The following EYA1 variants were observed in gnomAD, a reference collection of about 807,000 sequenced individuals.
EYA1 encodes EYA transcriptional coactivator and phosphatase 1.
EYA1 carries 16 observed loss-of-function variants against 82.0 expected under a neutral mutation model. That is an observed-to-expected ratio of 0.20 (90% CI 0.13 to 0.30). The LOEUF (loss-of-function observed/expected upper bound fraction) is 0.30, where lower values mean the gene tolerates loss of function less well. Ranked by LOEUF, EYA1 falls within the 10% of genes least tolerant of loss-of-function variation. The pLI is 1.00. For missense variants in EYA1, 633 were observed against 730.7 expected (o/e 0.87, Z 1.54); for synonymous variants, 261 against 264.4 (o/e 0.99, Z 0.12).
chr8:71,388,196 T>G (rs952983903), intron 2 of EYA1, among the ~76,000 whole-genome samples: 5 of 152,186 alleles, frequency 3.3e-5, no homozygotes, highest in Middle Eastern at 3.2e-3. Flanking sequence ...CTGATTAACT[T>G]TCACTTCATC....
chr8:71,355,889 T>G (rs981272344), intron 2 of EYA1, among the ~76,000 whole-genome samples: 1 of 152,150 alleles, frequency 6.6e-6, no homozygotes, highest in African/African-American at 2.4e-5. Context: ...AAAACACACT[T>G]AGATTCCATT....
chr8:71,495,351 C>G (rs1475688232), intron 2 of EYA1, among the ~76,000 whole-genome samples: 2 of 152,156 alleles, frequency 1.3e-5, no homozygotes, highest in Non-Finnish European at 2.9e-5. Flanking sequence ...CGATGGCTCA[C>G]GCCTGTAATC....
At chr8:71,235,616 G>C (rs1811735723) in intron 12 of EYA1, among the ~76,000 whole-genome samples, 1 of 152,098 alleles carries the variant, frequency 6.6e-6, no homozygotes, top group Non-Finnish European at 1.5e-5. Context: ...TTTACATACT[G>C]TTTATTCCTA....
chr8:71,259,704 G>A (rs1299291721), intron 11 of EYA1, among the ~76,000 whole-genome samples: 1 of 152,114 alleles, frequency 6.6e-6, no homozygotes, highest in Non-Finnish European at 1.5e-5. Context: ...GGTCTTTGGA[G>A]ACTCAAAACA....
At chr8:71,202,545 A>G (rs1305152644) in intron 17 of EYA1, among the ~76,000 whole-genome samples, 1 of 152,194 alleles carries the variant, frequency 6.6e-6, no homozygotes, top group Non-Finnish European at 1.5e-5. Context: ...GCACCCAGAA[A>G]CGAGGTCAAA....
At chr8:71,309,279 A>G (rs1821071345) in intron 7 of EYA1, among the ~76,000 whole-genome samples, 1 of 152,128 alleles carries the variant, frequency 6.6e-6, no homozygotes. Flanking sequence ...ATGTCAAGAA[A>G]TTTTTATCCA....
At chr8:71,287,751 C>T (rs1019873872) in intron 9 of EYA1, among the ~76,000 whole-genome samples, 1 of 152,196 alleles carries the variant, frequency 6.6e-6, no homozygotes, top group African/African-American at 2.4e-5. Context: ...GGGGCCTTGC[C>T]TTTCTTGTCA....
chr8:71,370,085 C>T (rs955902626), intron 2 of EYA1, among the ~76,000 whole-genome samples: 1 of 151,926 alleles, frequency 6.6e-6, no homozygotes, highest in Admixed American at 6.6e-5. Flanking sequence ...CATATTCTTC[C>T]CTAAGTATAC....
intron 2 of EYA1, among the ~76,000 whole-genome samples, chr8:71,500,852 A>G (rs1811761532): frequency 6.6e-6 from 1 of 152,180 alleles, no homozygotes. Context: ...TAAAAGCAAC[A>G]TAGATTCCTT....
chr8:71,528,588 G>A (rs1366788816), intron 2 of EYA1, among the ~76,000 whole-genome samples: 2 of 152,104 alleles, frequency 1.3e-5, no homozygotes, highest in Non-Finnish European at 2.9e-5. Flanking sequence ...ATGGTCTGAT[G>A]TTCCAAGTCA....
At chr8:71,262,234 T>C (rs7826802) in intron 11 of EYA1, among the ~76,000 whole-genome samples, 5,325 of 152,328 alleles carry the variant, frequency 0.035, 269 homozygotes, top group African/African-American at 0.11. Flanking sequence ...TGAACAAAGA[T>C]GCAGTCTTTT....
At chr8:71,536,585 T>C (rs1814733404) in intron 1 of EYA1, among the ~76,000 whole-genome samples, 1 of 152,252 alleles carries the variant, frequency 6.6e-6, no homozygotes, top group Admixed American at 6.5e-5. Context: ...CATGCTCAAA[T>C]GAGGTACTCA....
intron 7 of EYA1, among the ~76,000 whole-genome samples, chr8:71,309,857 T>C (rs1481112372): frequency 2.0e-5 from 3 of 152,176 alleles, no homozygotes; most frequent in Non-Finnish European, 2.9e-5. Flanking sequence ...TGTCTTTCCT[T>C]ACTAGTTTGA....
intron 9 of EYA1, among the ~76,000 whole-genome samples, chr8:71,275,278 T>C (rs1200246551): frequency 2.0e-5 from 3 of 152,204 alleles, no homozygotes; most frequent in East Asian, 1.9e-4. Flanking sequence ...TAAAAAATCA[T>C]GCCCATGTCA....
chr8:71,275,957 T>C (rs1817119251), intron 9 of EYA1, among the ~76,000 whole-genome samples: 2 of 152,242 alleles, frequency 1.3e-5, no homozygotes, highest in Non-Finnish European at 2.9e-5. Context: ...ACACTATCCC[T>C]TATCAGTCTC....
rs554411239 is a variant in EYA1 at position 71,225,174 on chromosome 8, A to G, written c.1141-8151T>C. The G allele has an allele frequency of 8.3e-4, 380 of 455,514 alleles. 5 individuals carry two copies. The highest frequency in any genetic ancestry group is 5.7e-3 in the South Asian group (370 of 64,456). 28.2% of individuals were successfully genotyped at this position (455,514 alleles called of 1,614,324 possible). A position where few individuals can be genotyped will look rare whatever the true frequency, so the allele number is the denominator to read the frequency against. ...TACTGATGCAGAACAGCATGATTCCATTGTGCTTTCTAAGGGCACGTCCAA... is the reference window on the plus strand; with the variant it reads ...TACTGATGCAGAACAGCATGATTCCGTTGTGCTTTCTAAGGGCACGTCCAA... On this transcript the variant is annotated intron_variant, in intron 12 of 17. Transcript: ENST00000340726.
chr8:71,388,584 A>G (rs1829100357), intron 2 of EYA1, among the ~76,000 whole-genome samples: 1 of 152,156 alleles, frequency 6.6e-6, no homozygotes, highest in Non-Finnish European at 1.5e-5. Flanking sequence ...GGTAGCTTCG[A>G]TCTCAGCTGC....
intron 12 of EYA1, among the ~76,000 whole-genome samples, chr8:71,227,481 T>C (rs1242509005): frequency 6.6e-6 from 1 of 152,214 alleles, no homozygotes; most frequent in Non-Finnish European, 1.5e-5. Flanking sequence ...TGGAAAAATA[T>C]TCAGACCGAG....
chr8:71,508,326 T>G (rs1227116695), intron 2 of EYA1, among the ~76,000 whole-genome samples: 1 of 152,060 alleles, frequency 6.6e-6, no homozygotes, highest in Non-Finnish European at 1.5e-5. Flanking sequence ...CAGGCTGGAG[T>G]GCAGTGGCAC....
Sources: allele counts gnomAD v4.1 joint callset (sites outside exome capture counted in the v4.1 genomes callset), GRCh38; gene constraint gnomAD v4.1.1; transcripts MANE v1.5; gene names NCBI Gene and HGNC (gene_info 2026-07-23, HGNC 2026-07-21).